The following ZBTB20 variants were observed in gnomAD, a reference collection of about 807,000 sequenced individuals.
ZBTB20 encodes the protein zinc finger and BTB domain-containing protein 20.
In ZBTB20, 9 loss-of-function variants were observed where a neutral mutation model predicts 56.9. The observed-to-expected ratio is 0.16, with a 90% CI of 0.10 to 0.28. The LOEUF (loss-of-function observed/expected upper bound fraction) is 0.28, where lower values mean the gene tolerates loss of function less well. ZBTB20 is among the 10% of genes least tolerant of loss of function. The probability of loss-of-function intolerance (pLI) is 1.00; values close to 1 mark genes in which losing one functional copy is unlikely to be tolerated. For missense variants in ZBTB20, 655 were observed against 1,003.0 expected, an observed-to-expected ratio of 0.65 and a Z score of 4.69; for synonymous variants, 417 against 420.7, an observed-to-expected ratio of 0.99 and a Z score of 0.11.
intron 3 of ZBTB20, among the ~76,000 whole-genome samples, chr3:114,901,756 G>A (rs1052549638): frequency 6.6e-5 from 10 of 151,982 alleles, no homozygotes; most frequent in African/African-American, 2.4e-4. Context: ...ATAGTATTAT[G>A]ATGCTAAAAT....
intron 2 of ZBTB20, among the ~76,000 whole-genome samples, chr3:115,059,516 T>C (rs2081939992): frequency 6.6e-6 from 1 of 152,200 alleles, no homozygotes; most frequent in African/African-American, 2.4e-5. Context: ...GTGGTTCACC[T>C]TTTCAGCTCT....
At chr3:114,603,302 T>C (rs1424691165) in intron 6 of ZBTB20, among the ~76,000 whole-genome samples, 1 of 152,030 alleles carries the variant, frequency 6.6e-6, no homozygotes, top group Non-Finnish European at 1.5e-5. Context: ...TAGTGTACTA[T>C]GCAAATTATA....
intron 3 of ZBTB20, among the ~76,000 whole-genome samples, chr3:114,953,657 T>C (rs902916071): frequency 6.6e-6 from 1 of 152,002 alleles, no homozygotes; most frequent in Non-Finnish European, 1.5e-5. Flanking sequence ...GCCAGTAATA[T>C]ATAATAAGTC....
intron 6 of ZBTB20, among the ~76,000 whole-genome samples, chr3:114,596,080 C>T (rs1409472914): frequency 6.6e-6 from 1 of 152,074 alleles, no homozygotes; most frequent in African/African-American, 2.4e-5. Flanking sequence ...AATATTTTTT[C>T]TTTGTGTAGC....
At chr3:114,953,115 T>C (rs2077128562) in intron 3 of ZBTB20, among the ~76,000 whole-genome samples, 1 of 152,142 alleles carries the variant, frequency 6.6e-6, no homozygotes, top group East Asian at 1.9e-4. Flanking sequence ...GGTTGTAAGA[T>C]TTCTACATTC....
At chr3:114,918,995 A>G (rs890193446) in intron 3 of ZBTB20, among the ~76,000 whole-genome samples, 7 of 152,324 alleles carry the variant, frequency 4.6e-5, no homozygotes, top group African/African-American at 1.7e-4. Flanking sequence ...AGGACCCCAG[A>G]GAATTTTAGC....
chr3:114,845,662 C>T (rs1400787112), intron 4 of ZBTB20, among the ~76,000 whole-genome samples: 1 of 151,986 alleles, frequency 6.6e-6, no homozygotes, highest in Non-Finnish European at 1.5e-5. Context: ...CAACTATAAT[C>T]CATTACTTTT....
intron 2 of ZBTB20, among the ~76,000 whole-genome samples, chr3:115,069,474 T>C (rs1300390030): frequency 2.0e-5 from 3 of 152,078 alleles, no homozygotes; most frequent in Non-Finnish European, 2.9e-5. Context: ...AGCTTTCTGA[T>C]AGGATTCAGT....
chr3:114,921,631 G>A (rs1473133952), intron 3 of ZBTB20, among the ~76,000 whole-genome samples: 50 of 147,926 alleles, frequency 3.4e-4, no homozygotes, highest in African/African-American at 1.1e-3. Flanking sequence ...ACCAAACACC[G>A]CATGTCCTCA....
At chr3:114,471,029 T>C (rs545380583) in intron 7 of ZBTB20, among the ~76,000 whole-genome samples, 1 of 152,160 alleles carries the variant, frequency 6.6e-6, no homozygotes, top group Non-Finnish European at 1.5e-5. Flanking sequence ...TAAGTCTTTG[T>C]TCAGAAAATA....
chr3:114,881,246 T>C (rs2076387843), intron 4 of ZBTB20, among the ~76,000 whole-genome samples: 1 of 152,058 alleles, frequency 6.6e-6, no homozygotes, highest in South Asian at 2.1e-4. Flanking sequence ...AGCACAACTC[T>C]TAGAAAGAGT....
chr3:114,972,091 T>C (rs940012302), intron 3 of ZBTB20, among the ~76,000 whole-genome samples: 1 of 152,228 alleles, frequency 6.6e-6, no homozygotes, highest in African/African-American at 2.4e-5. Context: ...TATCTCACTA[T>C]GCAGAGCAAT....
intron 6 of ZBTB20, among the ~76,000 whole-genome samples, chr3:114,653,764 T>A (rs1256727875): frequency 6.6e-6 from 1 of 151,972 alleles, no homozygotes; most frequent in African/African-American, 2.4e-5. Flanking sequence ...GTTCTTTTTT[T>A]AGGAATGCTT....
chr3:114,706,243 G>A (rs998040213), intron 5 of ZBTB20, among the ~76,000 whole-genome samples: 11 of 152,224 alleles, frequency 7.2e-5, no homozygotes, highest in Non-Finnish European at 1.6e-4. Context: ...GGAACGTTGT[G>A]AAGATTAGAG....
intron 4 of ZBTB20, among the ~76,000 whole-genome samples, chr3:114,884,828 A>G (rs2076542231): frequency 6.6e-6 from 1 of 152,172 alleles, no homozygotes; most frequent in African/African-American, 2.4e-5. Flanking sequence ...AAGGGCTGAT[A>G]CTACTACTTG....
At chr3:114,446,785 G>A (rs2091298086) in intron 7 of ZBTB20, among the ~76,000 whole-genome samples, 1 of 152,112 alleles carries the variant, frequency 6.6e-6, no homozygotes, top group Admixed American at 6.6e-5. Flanking sequence ...TTCCTGGACT[G>A]TATCAAACTC....
chr3:115,102,448 T>C (rs1323572518), intron 1 of ZBTB20: 1 of 152,256 alleles, frequency 6.6e-6, no homozygotes, highest in South Asian at 2.1e-4. Flanking sequence ...AAAAAACACA[T>C]AAAACTTAGA....
At chr3:114,807,234 T>C (rs1353826591) in intron 4 of ZBTB20, among the ~76,000 whole-genome samples, 2 of 152,090 alleles carry the variant, frequency 1.3e-5, no homozygotes, top group Admixed American at 6.6e-5. Context: ...TCTCTTCTTA[T>C]ATTCAGTTAA....
chr3:114,829,094 A>G (rs2073703823), intron 4 of ZBTB20, among the ~76,000 whole-genome samples: 2 of 151,794 alleles, frequency 1.3e-5, no homozygotes, highest in Admixed American at 1.3e-4. Flanking sequence ...TGGGCTCTTA[A>G]ACTGTATGGT....
Sources: gnomAD v4.1 joint callset for allele counts (sites outside exome capture counted in the v4.1 genomes callset) on GRCh38, gnomAD v4.1.1 for gene constraint, MANE v1.5 for transcripts, NCBI Gene and HGNC (gene_info 2026-07-23, HGNC 2026-07-21) for gene names.